Variants in RABGAP1L observed in about 807,000 individuals in gnomAD.
RABGAP1L encodes the protein rab GTPase-activating protein 1-like.
A neutral mutation model predicts 137.7 loss-of-function variants in RABGAP1L; 63 were observed. The ratio of observed to expected loss-of-function variants is 0.46; its 90% confidence interval spans 0.37 to 0.56. RABGAP1L has a LOEUF of 0.56. Ranked by LOEUF, RABGAP1L falls within the 20% of genes least tolerant of loss-of-function variation. The pLI is 0.00. For missense variants in RABGAP1L, 1,095 were observed against 1,244.0 expected (o/e 0.88, Z 1.80); for synonymous variants, 431 against 433.7 (o/e 0.99, Z 0.08).
intron 18 of RABGAP1L, among the ~76,000 whole-genome samples, chr1:174,781,067 T>C (rs1460187459): frequency 1.3e-5 from 2 of 152,148 alleles, no homozygotes; most frequent in African/African-American, 4.8e-5. Context: ...TGATTTATAT[T>C]CCTTTGGGTA....
At chr1:174,619,052 C>T (rs768802797) in intron 13 of RABGAP1L, among the ~76,000 whole-genome samples, 7 of 151,962 alleles carry the variant, frequency 4.6e-5, no homozygotes, top group Non-Finnish European at 8.8e-5. Context: ...GATGGAAAAT[C>T]AAATGAATGA....
chr1:174,635,278 G>T (rs1240489019), intron 13 of RABGAP1L, among the ~76,000 whole-genome samples: 1 of 152,062 alleles, frequency 6.6e-6, no homozygotes, highest in African/African-American at 2.4e-5. Flanking sequence ...TATCCTGCGG[G>T]CCAATAGGCA....
At chr1:174,345,775 C>T (rs1416209630) in intron 11 of RABGAP1L, among the ~76,000 whole-genome samples, 1 of 152,118 alleles carries the variant, frequency 6.6e-6, no homozygotes, top group Non-Finnish European at 1.5e-5. Flanking sequence ...ACTTTCAGTA[C>T]TATGTCGAAT....
chr1:174,350,054 A>ACCTC (rs1682966344), intron 11 of RABGAP1L, among the ~76,000 whole-genome samples: 1 of 78,696 alleles, frequency 1.3e-5, no homozygotes, highest in Non-Finnish European at 2.5e-5. Flanking sequence ...GGCGCCCCTC[A>ACCTC]CCTCCCGGAC....
At chr1:174,792,380 G>A (rs1687923718) in intron 18 of RABGAP1L, among the ~76,000 whole-genome samples, 1 of 152,228 alleles carries the variant, frequency 6.6e-6, no homozygotes, top group African/African-American at 2.4e-5. Flanking sequence ...AGGAGACCCA[G>A]TTTGCAGCAG....
intron 19 of RABGAP1L, among the ~76,000 whole-genome samples, chr1:174,950,418 T>C (rs891546233): frequency 3.9e-5 from 6 of 152,202 alleles, no homozygotes; most frequent in African/African-American, 1.4e-4. Context: ...CAAAGTGACT[T>C]CTTTTGCTGA....
At chr1:174,321,883 A>G (rs1222420825) in intron 11 of RABGAP1L, among the ~76,000 whole-genome samples, 3 of 152,114 alleles carry the variant, frequency 2.0e-5, no homozygotes, top group African/African-American at 7.2e-5. Context: ...ATTATTTACC[A>G]TTTGTATATC....
At chr1:174,399,900 G>A (rs1271243230) in intron 13 of RABGAP1L, among the ~76,000 whole-genome samples, 2 of 152,092 alleles carry the variant, frequency 1.3e-5, no homozygotes, top group Admixed American at 6.6e-5. Context: ...GAGGATTATG[G>A]GAACTACAAT....
chr1:174,850,782 C>A (rs138164491), intron 19 of RABGAP1L, among the ~76,000 whole-genome samples: 1 of 152,114 alleles, frequency 6.6e-6, no homozygotes, highest in African/African-American at 2.4e-5. Context: ...TGGGCCTAAT[C>A]GAATCATATG....
chr1:174,218,440 G>T (rs1398816038), intron 1 of RABGAP1L, among the ~76,000 whole-genome samples: 2 of 152,130 alleles, frequency 1.3e-5, no homozygotes, highest in African/African-American at 4.8e-5. Flanking sequence ...ATATGATAGT[G>T]AGTGTTGTTT....
chr1:174,886,787 A>G (rs1439810369), intron 19 of RABGAP1L, among the ~76,000 whole-genome samples: 1 of 151,242 alleles, frequency 6.6e-6, no homozygotes, highest in Non-Finnish European at 1.5e-5. Context: ...TACATTTTTT[A>G]TGGCAGCATT....
intron 19 of RABGAP1L, among the ~76,000 whole-genome samples, chr1:174,816,618 A>G (rs183392965): frequency 1.0e-3 from 153 of 152,094 alleles, no homozygotes; most frequent in African/African-American, 3.4e-3. Context: ...TTGGTTTATG[A>G]TTTATGATTC....
chr1:174,204,469 G>T (rs982252069), intron 1 of RABGAP1L, among the ~76,000 whole-genome samples: 3 of 152,172 alleles, frequency 2.0e-5, no homozygotes, highest in Non-Finnish European at 4.4e-5. Flanking sequence ...GTGAGAGAGG[G>T]CATCCTTGTG....
chr1:174,439,123 C>T (rs1653831054), intron 13 of RABGAP1L, among the ~76,000 whole-genome samples: 2 of 151,142 alleles, frequency 1.3e-5, no homozygotes, highest in South Asian at 2.1e-4. Flanking sequence ...GAGCAGATAT[C>T]CTTCCTTTTT....
chr1:174,276,658 G>A (rs765103970), intron 9 of RABGAP1L, among the ~76,000 whole-genome samples: 21 of 152,072 alleles, frequency 1.4e-4, no homozygotes, highest in Non-Finnish European at 8.8e-5. Flanking sequence ...ATTGGCTCCA[G>A]TCTTTTGGCC....
At chr1:174,329,110 A>C (rs1680802731) in intron 11 of RABGAP1L, among the ~76,000 whole-genome samples, 1 of 151,984 alleles carries the variant, frequency 6.6e-6, no homozygotes, top group South Asian at 2.1e-4. Context: ...ATGCAGACTA[A>C]GAAAATAAAA....
chr1:174,946,934 A>ATGTG (rs1474737934), intron 19 of RABGAP1L, among the ~76,000 whole-genome samples: 13 of 69,800 alleles, frequency 1.9e-4, no homozygotes, highest in African/African-American at 8.3e-4. Context: ...ATATATATAT[A>ATGTG]TATATATGTG....
At chr1:174,379,012 G>C (rs188099821) in intron 12 of RABGAP1L, among the ~76,000 whole-genome samples, 17,789 of 104,306 alleles carry the variant, frequency 0.17, 3,230 homozygotes, top group African/African-American at 0.48. Context: ...TATGGCTAGC[G>C]AGTTTTCCCA....
At chr1:174,551,841 T>A (rs1320604915) in intron 13 of RABGAP1L, among the ~76,000 whole-genome samples, 2 of 152,018 alleles carry the variant, frequency 1.3e-5, no homozygotes, top group East Asian at 3.9e-4. Flanking sequence ...ATATCAGAAA[T>A]GGAATAGTGG....
Sources: gnomAD v4.1 joint callset for allele counts (sites outside exome capture counted in the v4.1 genomes callset) on GRCh38, gnomAD v4.1.1 for gene constraint, MANE v1.5 for transcripts, NCBI Gene and HGNC (gene_info 2026-07-23, HGNC 2026-07-21) for gene names.